Variants in CXCL13 observed in about 807,000 individuals in gnomAD.
CXCL13 encodes C-X-C motif chemokine ligand 13.
Under a neutral mutation model 12.2 loss-of-function variants are expected in CXCL13, and 7 were observed. The ratio of observed to expected loss-of-function variants is 0.57; its 90% CI spans 0.33 to 1.07. The LOEUF is 1.07. CXCL13 is among the 50% of genes least tolerant of loss of function. The probability of loss-of-function intolerance (pLI) is 0.04; values close to 1 mark genes in which losing one functional copy is unlikely to be tolerated. For missense variants in CXCL13, 113 were observed against 127.4 expected (o/e 0.89, Z 0.55); for synonymous variants, 47 against 42.4 (o/e 1.11, Z -0.42).
chr4:77,568,016 C>G (rs1432788589), intron 1 of CXCL13, among the ~76,000 whole-genome samples: 1 of 152,176 alleles, frequency 6.6e-6, no homozygotes, highest in African/African-American at 2.4e-5. Context: ...GCCCTTGGCT[C>G]TTGAATTCCT....
chr4:77,536,513 C>T (rs1305846641), intron 1 of CXCL13, among the ~76,000 whole-genome samples: 1 of 152,158 alleles, frequency 6.6e-6, no homozygotes, highest in Non-Finnish European at 1.5e-5. Flanking sequence ...CTTATCCTCT[C>T]TGTGTTTCAC....
intron 1 of CXCL13, among the ~76,000 whole-genome samples, chr4:77,556,014 G>A (rs1725648819): frequency 6.6e-6 from 1 of 152,156 alleles, no homozygotes; most frequent in Non-Finnish European, 1.5e-5. Context: ...TGAGACAAAT[G>A]TAGAATGGTA....
chr4:77,526,511 AG>A (rs1344814019), intron 1 of CXCL13, among the ~76,000 whole-genome samples: 2 of 152,014 alleles, frequency 1.3e-5, no homozygotes, highest in African/African-American at 4.8e-5. Flanking sequence ...ACACACTCAA[AG>A]GGGGAAAAGT....
chr4:77,567,563 G>T (rs1411560852), intron 1 of CXCL13, among the ~76,000 whole-genome samples: 1 of 152,104 alleles, frequency 6.6e-6, no homozygotes, highest in Non-Finnish European at 1.5e-5. Flanking sequence ...TGGCAGGCTT[G>T]GTTTTACAAG....
chr4:77,592,983 A>G (rs1227178433), intron 1 of CXCL13, among the ~76,000 whole-genome samples: 2 of 152,244 alleles, frequency 1.3e-5, no homozygotes, highest in Non-Finnish European at 2.9e-5. Flanking sequence ...CAGAGAGGTT[A>G]ATAACGTATA....
chr4:77,570,764 G>A lies in CXCL13; in HGVS notation c.-42-35060G>A, dbSNP rs550440065. Among the ~76,000 whole-genome samples the A allele has an allele frequency of 2.0e-5, 3 of 149,582 alleles. 1 individual carries two copies. Among genetic ancestry groups the A allele is most frequent in the African/African-American group, 7.7e-5 (3 of 39,002 alleles). On this transcript the variant is annotated intron_variant, in intron 1 of 4. Coordinates refer to the CXCL13 transcript ENST00000286758. The stretch of plus-strand genomic sequence containing the variant: ...TGGTGGTCCTATAGTCAGAGCGGTC[G>A]GCCGGCCCTGCCGGCCCTGGGCAGT...
At chr4:77,592,261 A>G (rs1224889454) in intron 1 of CXCL13, among the ~76,000 whole-genome samples, 2 of 152,240 alleles carry the variant, frequency 1.3e-5, no homozygotes, top group Non-Finnish European at 2.9e-5. Flanking sequence ...AGCCTTAAAA[A>G]GAAGAAAATC....
At chr4:77,532,435 C>A (rs1724950924) in intron 1 of CXCL13, among the ~76,000 whole-genome samples, 1 of 152,188 alleles carries the variant, frequency 6.6e-6, no homozygotes, top group Non-Finnish European at 1.5e-5. Flanking sequence ...TGATGGGCTT[C>A]CCTTTGTGGG....
At position 77,605,914 on chromosome 4, in the gene CXCL13, C is replaced by T. The variant is rs761786107; in HGVS notation, c.49C>T (p.Leu17Phe). 5 of 1,603,466 alleles carry T rather than the reference C, an allele frequency of 3.1e-6. No homozygotes were observed. The Admixed American group carries it at 6.7e-5, about 22-fold the overall frequency. Residue 17 changes from leucine (L) to phenylalanine (F), a missense_variant, in exon 1 of 4, where the codon CTC becomes TTC. Leu to Phe is a conservative substitution (Grantham distance 22). Transcript: ENST00000682537. ...SLLLMLLVSS[L>F]SPVQGVLEVY... is the part of the protein sequence containing the mutation. Reference sequence around the variant, plus strand: ...GCTTCTCATGCTGCTGGTCAGCAGCCTCTCTCCAGTCCAAGGTGAGAAATT... The same window carrying T: ...GCTTCTCATGCTGCTGGTCAGCAGCTTCTCTCCAGTCCAAGGTGAGAAATT...
intron 1 of CXCL13, among the ~76,000 whole-genome samples, chr4:77,560,876 T>G (rs1725795475): frequency 6.6e-6 from 1 of 152,230 alleles, no homozygotes; most frequent in Non-Finnish European, 1.5e-5. Flanking sequence ...TCTCTAATAA[T>G]GATATAATTT....
chr4:77,532,262 C>T (rs1724946469), intron 1 of CXCL13, among the ~76,000 whole-genome samples: 1 of 152,160 alleles, frequency 6.6e-6, no homozygotes, highest in South Asian at 2.1e-4. Flanking sequence ...AATCTCTCAG[C>T]ATTTGCTTGT....
At chr4:77,554,774 A>C in intron 1 of CXCL13, among the ~76,000 whole-genome samples, 1 of 152,158 alleles carries the variant, frequency 6.6e-6, no homozygotes, top group East Asian at 1.9e-4. Context: ...TCAATTAGAA[A>C]TTAATAACAG....
At chr4:77,596,573 T>C (rs559478685) in intron 1 of CXCL13, among the ~76,000 whole-genome samples, 175 of 151,760 alleles carry the variant, frequency 1.2e-3, no homozygotes, top group Non-Finnish European at 2.1e-3. Flanking sequence ...TCACCTGAGG[T>C]CAGGAGTTAG....
At chr4:77,566,940 A>G (rs1048633981) in intron 1 of CXCL13, among the ~76,000 whole-genome samples, 3 of 152,332 alleles carry the variant, frequency 2.0e-5, no homozygotes, top group East Asian at 3.9e-4. Context: ...CTGCACCTAT[A>G]CATCCAGATG....
intron 1 of CXCL13, among the ~76,000 whole-genome samples, chr4:77,594,575 T>C (rs1199527910): frequency 6.0e-5 from 9 of 150,536 alleles, no homozygotes; most frequent in African/African-American, 2.0e-4. Flanking sequence ...CCAGGCACAG[T>C]GGCCTGGGCT....
intron 1 of CXCL13, among the ~76,000 whole-genome samples, chr4:77,541,392 A>C (rs957661342): frequency 6.6e-6 from 1 of 151,824 alleles, no homozygotes; most frequent in Non-Finnish European, 1.5e-5. Context: ...GGGGTCTTAC[A>C]TTTAAATCTT....
chr4:77,565,036 G>T (rs1725894535), intron 1 of CXCL13, among the ~76,000 whole-genome samples: 1 of 152,252 alleles, frequency 6.6e-6, no homozygotes. Context: ...GAGTGTCAGT[G>T]GTCTTCAAAC....
intron 1 of CXCL13, among the ~76,000 whole-genome samples, chr4:77,526,932 C>T (rs1001957174): frequency 3.9e-5 from 6 of 152,160 alleles, no homozygotes; most frequent in African/African-American, 1.2e-4. Flanking sequence ...TGGACAGGCT[C>T]AAGCACTGAT....
chr4:77,585,394 C>T (rs979604291), intron 1 of CXCL13, among the ~76,000 whole-genome samples: 5 of 152,270 alleles, frequency 3.3e-5, no homozygotes, highest in East Asian at 3.9e-4. Context: ...GAGCAGGTTG[C>T]GGCTGATGTC....
Sources: gnomAD v4.1 joint callset for allele counts (sites outside exome capture counted in the v4.1 genomes callset) on GRCh38, gnomAD v4.1.1 for gene constraint, MANE v1.5 for transcripts, NCBI Gene and HGNC (gene_info 2026-07-23, HGNC 2026-07-21) for gene names.